ZNF438: variants seen among roughly 807,000 people sequenced by gnomAD.
ZNF438 encodes zinc finger protein 438.
In ZNF438, 25 loss-of-function variants were observed where a neutral mutation model predicts 38.0. That is an observed-to-expected ratio of 0.66 (90% CI 0.48 to 0.92). ZNF438 has a LOEUF of 0.92. Ranked by LOEUF, ZNF438 falls within the 40% of genes least tolerant of loss-of-function variation. ZNF438 has a pLI of 0.00. For synonymous variants in ZNF438, 372 were observed against 364.1 expected (o/e 1.02, Z -0.25); for missense variants, 1,007 against 999.6 (o/e 1.01, Z -0.10).
intron 1 of ZNF438, among the ~76,000 whole-genome samples, chr10:30,950,105 C>G (rs1199853298): frequency 2.0e-5 from 3 of 149,278 alleles, no homozygotes; most frequent in African/African-American, 2.4e-5. Flanking sequence ...CACTCAAAAC[C>G]GCTCAACTAC....
chr10:30,940,793 C>T (rs1171035944), intron 2 of ZNF438, among the ~76,000 whole-genome samples: 2 of 152,096 alleles, frequency 1.3e-5, no homozygotes, highest in Admixed American at 6.6e-5. Flanking sequence ...ATTAAGATGA[C>T]CTTTCAAAGA....
chr10:30,951,697 G>A (rs1337552693), intron 1 of ZNF438, among the ~76,000 whole-genome samples: 2 of 151,842 alleles, frequency 1.3e-5, no homozygotes, highest in Non-Finnish European at 2.9e-5. Flanking sequence ...TACAAGGGAT[G>A]TGAAGGACCT....
intron 4 of ZNF438, among the ~76,000 whole-genome samples, chr10:30,850,764 G>T (rs2033467471): frequency 6.6e-6 from 1 of 152,166 alleles, no homozygotes; most frequent in Non-Finnish European, 1.5e-5. Context: ...CTGCTATGTA[G>T]TTTATTATTT....
chr10:31,016,244 A>G (rs1191334328), intron 1 of ZNF438, among the ~76,000 whole-genome samples: 1 of 128,258 alleles, frequency 7.8e-6, no homozygotes, highest in Non-Finnish European at 1.8e-5. Flanking sequence ...TAATTATAAC[A>G]GGGGTGATGT....
chr10:30,866,350 A>C (rs1005986112), intron 4 of ZNF438, among the ~76,000 whole-genome samples: 3 of 152,222 alleles, frequency 2.0e-5, no homozygotes, highest in Admixed American at 6.5e-5. Context: ...GAACATATTA[A>C]GACTTGGGTA....
chr10:30,998,980 T>C (rs911427484), intron 1 of ZNF438, among the ~76,000 whole-genome samples: 1 of 152,084 alleles, frequency 6.6e-6, no homozygotes. Flanking sequence ...TTGATTCATA[T>C]CAGAAGACGG....
At chr10:31,000,498 T>C (rs965169503) in intron 1 of ZNF438, among the ~76,000 whole-genome samples, 1 of 152,224 alleles carries the variant, frequency 6.6e-6, no homozygotes, top group Non-Finnish European at 1.5e-5. Flanking sequence ...CAAGTCTACA[T>C]AGGCAAATAT....
At chr10:31,018,760 T>C (rs769808791) in intron 1 of ZNF438, among the ~76,000 whole-genome samples, 21 of 152,278 alleles carry the variant, frequency 1.4e-4, no homozygotes, top group Middle Eastern at 3.4e-3. Flanking sequence ...AGAGTAGTAA[T>C]TGGTTCTGTT....
chr10:31,000,859 T>G (rs747133804), intron 1 of ZNF438, among the ~76,000 whole-genome samples: 3 of 152,160 alleles, frequency 2.0e-5, no homozygotes, highest in Non-Finnish European at 4.4e-5. Context: ...AATCATGTCA[T>G]ATCCCTCTCC....
intron 2 of ZNF438, among the ~76,000 whole-genome samples, chr10:30,933,446 G>A (rs575095475): frequency 1.3e-5 from 2 of 152,182 alleles, no homozygotes; most frequent in African/African-American, 4.8e-5. Context: ...TTGTTAACAA[G>A]CAATTTATGC....
intron 1 of ZNF438, among the ~76,000 whole-genome samples, chr10:30,990,967 T>C (rs1173084533): frequency 2.0e-5 from 3 of 151,826 alleles, no homozygotes; most frequent in Non-Finnish European, 4.4e-5. Context: ...GGAAAAAAAA[T>C]TGTTTAAAAC....
At chr10:30,915,763 T>G (rs770052028) in intron 2 of ZNF438, among the ~76,000 whole-genome samples, 1 of 151,910 alleles carries the variant, frequency 6.6e-6, no homozygotes, top group Non-Finnish European at 1.5e-5. Flanking sequence ...ATTATGGGAG[T>G]CATTCTCCAT....
intron 4 of ZNF438, among the ~76,000 whole-genome samples, chr10:30,863,772 T>C (rs1467826460): frequency 6.6e-6 from 1 of 152,112 alleles, no homozygotes; most frequent in Non-Finnish European, 1.5e-5. Context: ...CCACACGCAC[T>C]CCCCTCATAT....
At chr10:30,846,192 G>A (rs925737641) in intron 5 of ZNF438, among the ~76,000 whole-genome samples, 2 of 152,200 alleles carry the variant, frequency 1.3e-5, no homozygotes, top group African/African-American at 4.8e-5. Flanking sequence ...TAGGTACAAT[G>A]TCCAAACTAC....
chr10:30,848,041 C>A (rs1267917768), intron 5 of ZNF438, among the ~76,000 whole-genome samples: 1 of 152,186 alleles, frequency 6.6e-6, no homozygotes, highest in Non-Finnish European at 1.5e-5. Context: ...CCCCAAGGAT[C>A]CCATAGCAAT....
intron 1 of ZNF438, among the ~76,000 whole-genome samples, chr10:30,972,825 T>C (rs1483936900): frequency 6.6e-6 from 1 of 152,162 alleles, no homozygotes; most frequent in African/African-American, 2.4e-5. Context: ...CTCTTTTTAA[T>C]AGATTTAAAG....
At chr10:30,886,830 C>T (rs780800708) in intron 3 of ZNF438, among the ~76,000 whole-genome samples, 2 of 152,040 alleles carry the variant, frequency 1.3e-5, no homozygotes, top group East Asian at 1.9e-4. Context: ...TTTAAAGTAA[C>T]GTTATTGAAG....
At chr10:30,990,108 C>A (rs1015762188) in intron 1 of ZNF438, among the ~76,000 whole-genome samples, 34 of 151,934 alleles carry the variant, frequency 2.2e-4, no homozygotes, top group African/African-American at 8.0e-4. Context: ...TCTAAAAGTT[C>A]ATAATAATAT....
At chr10:30,925,391 C>G (rs1353782607) in intron 2 of ZNF438, among the ~76,000 whole-genome samples, 1 of 152,034 alleles carries the variant, frequency 6.6e-6, no homozygotes. Context: ...GATAACAATA[C>G]TATTTTTTAA....
Sources: allele counts gnomAD v4.1 joint callset (sites outside exome capture counted in the v4.1 genomes callset), GRCh38; gene constraint gnomAD v4.1.1; transcripts MANE v1.5; gene names NCBI Gene and HGNC (gene_info 2026-07-23, HGNC 2026-07-21).